Variants in COL10A1 observed in about 807,000 individuals in gnomAD.
COL10A1 encodes the protein collagen type X alpha 1 chain, also known as collagen alpha-1(X) chain.
COL10A1 carries 10 observed loss-of-function variants against 18.2 expected under a neutral mutation model. The observed-to-expected ratio is 0.55, with a 90% CI of 0.34 to 0.93. COL10A1 has a LOEUF of 0.93. Ranked by LOEUF, COL10A1 falls within the 40% of genes least tolerant of loss-of-function variation. The pLI is 0.02. For synonymous variants in COL10A1, 330 were observed against 316.6 expected (o/e 1.04, Z -0.45); for missense variants, 897 against 853.5 (o/e 1.05, Z -0.64).
the COL10A1 span, among the ~76,000 whole-genome samples, chr6:116,189,559 T>A: frequency 6.6e-6 from 1 of 151,962 alleles, no homozygotes; most frequent in African/African-American, 2.4e-5. Context: ...TGGATGACAT[T>A]GAGTTGTGCT....
At chr6:116,131,706 GT>G (rs1779469982) in intron 1 of COL10A1, among the ~76,000 whole-genome samples, 1 of 152,114 alleles carries the variant, frequency 6.6e-6, no homozygotes, top group Non-Finnish European at 1.5e-5. Context: ...AGGGGTACAA[GT>G]GCAGGTGTGT....
upstream of COL10A1, among the ~76,000 whole-genome samples, chr6:116,127,476 CAA>C: frequency 6.6e-6 from 1 of 151,910 alleles, no homozygotes; most frequent in South Asian, 2.1e-4. Context: ...TTTAGAATAA[CAA>C]AATAGGAAAG....
intron 2 of COL10A1, among the ~76,000 whole-genome samples, chr6:116,125,084 A>G (rs1166043257): frequency 6.6e-6 from 1 of 152,200 alleles, no homozygotes; most frequent in East Asian, 1.9e-4. Flanking sequence ...TCTGAGAAAA[A>G]AATTTGTACA....
the COL10A1 span, among the ~76,000 whole-genome samples, chr6:116,180,247 A>G: frequency 1.3e-5 from 2 of 152,078 alleles, no homozygotes; most frequent in South Asian, 2.1e-4. Flanking sequence ...CGTTTAGAGG[A>G]TGCAAGAGAA....
chr6:116,216,026 C>T, the COL10A1 span, among the ~76,000 whole-genome samples: 15 of 152,088 alleles, frequency 9.9e-5, no homozygotes, highest in African/African-American at 1.9e-4. Flanking sequence ...CAGGAATCCT[C>T]CTTTCAAAGG....
the COL10A1 span, among the ~76,000 whole-genome samples, chr6:116,200,855 C>CTGTAAAT: frequency 6.6e-6 from 1 of 152,118 alleles, no homozygotes; most frequent in Admixed American, 6.6e-5. Context: ...TTTACTTTTT[C>CTGTAAAT]TTCTGAGGAA....
the COL10A1 span, among the ~76,000 whole-genome samples, chr6:116,173,761 T>C: frequency 2.0e-5 from 3 of 152,204 alleles, no homozygotes; most frequent in Non-Finnish European, 4.4e-5. Context: ...TATAGAGTGA[T>C]CCTGAATATC....
At chr6:116,195,632 A>G in the COL10A1 span, among the ~76,000 whole-genome samples, 1 of 152,038 alleles carries the variant, frequency 6.6e-6, no homozygotes, top group African/African-American at 2.4e-5. Context: ...GGTTAGAAAG[A>G]TGGCTGGCTA....
chr6:116,135,848 T>TATAG (rs1554194616), intron 1 of COL10A1, among the ~76,000 whole-genome samples: 1 of 105,598 alleles, frequency 9.5e-6, no homozygotes, highest in East Asian at 3.2e-4. Context: ...TATATATATA[T>TATAG]ATATATATAT....
chr6:116,180,164 G>C, the COL10A1 span, among the ~76,000 whole-genome samples: 1 of 151,892 alleles, frequency 6.6e-6, no homozygotes. Flanking sequence ...TTTAATTACA[G>C]AGATAGTATA....
At chr6:116,182,721 T>A in the COL10A1 span, among the ~76,000 whole-genome samples, 1 of 151,948 alleles carries the variant, frequency 6.6e-6, no homozygotes, top group Non-Finnish European at 1.5e-5. Flanking sequence ...TAGCCCACTT[T>A]TTGATGTGAT....
chr6:116,185,248 C>G, the COL10A1 span, among the ~76,000 whole-genome samples: 1 of 151,962 alleles, frequency 6.6e-6, no homozygotes, highest in East Asian at 1.9e-4. Flanking sequence ...TTTCAGTCTT[C>G]TTAAATTTGT....
At chr6:116,145,754 A>T (rs372990577) in intron 1 of COL10A1, among the ~76,000 whole-genome samples, 2 of 152,198 alleles carry the variant, frequency 1.3e-5, no homozygotes, top group Non-Finnish European at 2.9e-5. Flanking sequence ...TCATTTCCAG[A>T]TACTTACCAA....
At chr6:116,148,006 G>T (rs1037106255) in intron 1 of COL10A1, among the ~76,000 whole-genome samples, 9 of 151,756 alleles carry the variant, frequency 5.9e-5, no homozygotes, top group Admixed American at 2.0e-4. Flanking sequence ...AGGTGGGGGG[G>T]GTTGGAGGCA....
At chr6:116,167,206 ATTTTTTTTTTTT>A in the COL10A1 span, among the ~76,000 whole-genome samples, 1 of 87,796 alleles carries the variant, frequency 1.1e-5, no homozygotes, top group East Asian at 2.9e-4. Flanking sequence ...CAAATAGAAG[ATTTTTTTTTTTT>A]TTTTTTTTTT....
At chr6:116,205,660 T>G in the COL10A1 span, among the ~76,000 whole-genome samples, 1 of 152,026 alleles carries the variant, frequency 6.6e-6, no homozygotes, top group African/African-American at 2.4e-5. Context: ...ACCAGCTGTT[T>G]GTGTAGTTTC....
In COL10A1 at chr6:116,121,422, C is replaced by T; in HGVS notation, c.694G>A (p.Gly232Ser). 6.2e-7 allele frequency: 1 copy of T among 1,614,166 alleles called. No homozygotes were observed. The highest frequency in any genetic ancestry group is 8.5e-7 in the Non-Finnish European group (1 of 1,180,024). Residue 232 changes from glycine (G) to serine (S), a missense_variant, in exon 3 of 3, where the codon GGC becomes AGC. Gly to Ser is a moderately conservative substitution (Grantham distance 56, BLOSUM62 0). Coordinates refer to ENST00000651968, the MANE Select transcript of COL10A1 (RefSeq NM_000493.4). The part of the protein sequence containing the change: ...RGENGVPGQP[G>S]IKGDRGFPGE... ...GGAAAACCTCTATCACCTTTGATGC[C>T]TGGCTGTCCTGGAACCCCATTTTCA...
At chr6:116,123,036 G>A (rs540940233) in intron 2 of COL10A1, among the ~76,000 whole-genome samples, 1 of 152,220 alleles carries the variant, frequency 6.6e-6, no homozygotes, top group Admixed American at 6.5e-5. Context: ...GCAAATAGAG[G>A]AATAAATAAG....
the COL10A1 span, among the ~76,000 whole-genome samples, chr6:116,203,440 T>C: frequency 6.6e-6 from 1 of 152,076 alleles, no homozygotes; most frequent in Admixed American, 6.6e-5. Flanking sequence ...TTTTGTCTCA[T>C]TTTTTATTTT....
Sources: allele counts gnomAD v4.1 joint callset (sites outside exome capture counted in the v4.1 genomes callset), GRCh38; gene constraint gnomAD v4.1.1; transcripts MANE v1.5; gene names NCBI Gene and HGNC (gene_info 2026-07-23, HGNC 2026-07-21).